The following DNM3 variants were observed in gnomAD, a reference collection of about 807,000 sequenced individuals.
The protein encoded by DNM3 is dynamin 3.
Under a neutral mutation model 101.6 loss-of-function variants are expected in DNM3, and 47 were observed. That is an observed-to-expected ratio of 0.46 (90% CI 0.37 to 0.59). The LOEUF (loss-of-function observed/expected upper bound fraction) is 0.59. Ranked by LOEUF, DNM3 falls within the 20% of genes least tolerant of loss-of-function variation. The pLI is 0.00. For synonymous variants in DNM3, 385 were observed against 387.9 expected, an observed-to-expected ratio of 0.99 and a Z score of 0.09; for missense variants, 849 against 1,085.7, an observed-to-expected ratio of 0.78 and a Z score of 3.06.
intron 11 of DNM3, 123 bp from the exon 12 acceptor site, chr1:172,081,709 A>T (rs2053162956): frequency 1.4e-6 from 1 of 726,410 alleles, no homozygotes; most frequent in Admixed American, 3.0e-5. Flanking sequence ...GTTACTTTTC[A>T]TGCTAATTGA....
chr1:171,933,613 G>T (rs979790928), intron 2 of DNM3, among the ~76,000 whole-genome samples: 1 of 152,156 alleles, frequency 6.6e-6, no homozygotes, highest in African/African-American at 2.4e-5. Context: ...GGGGCTGGAG[G>T]TGGATGAGTG....
chr1:172,015,290 TG>T (rs2047378543), intron 4 of DNM3, among the ~76,000 whole-genome samples: 1 of 152,316 alleles, frequency 6.6e-6, no homozygotes, highest in African/African-American at 2.4e-5. Flanking sequence ...ATCAGTTTGT[TG>T]ATATCCACAA....
chr1:172,227,031 G>A (rs1002586753), intron 14 of DNM3, among the ~76,000 whole-genome samples: 18 of 151,604 alleles, frequency 1.2e-4, no homozygotes, highest in Admixed American at 5.9e-4. Flanking sequence ...GTACCAGTAC[G>A]TAGTTTTTCA....
chr1:171,903,338 A>G (rs1226118722), intron 1 of DNM3, among the ~76,000 whole-genome samples: 2 of 152,140 alleles, frequency 1.3e-5, no homozygotes, highest in Non-Finnish European at 2.9e-5. Flanking sequence ...ACTTTATCAT[A>G]GATCTTTCCT....
At chr1:172,113,263 C>T (rs1015984587) in intron 13 of DNM3, among the ~76,000 whole-genome samples, 2 of 152,104 alleles carry the variant, frequency 1.3e-5, no homozygotes, top group Admixed American at 6.6e-5. Flanking sequence ...TAACTTCCTG[C>T]TATGTGTGAG....
chr1:171,896,633 C>G (rs970055400), intron 1 of DNM3, among the ~76,000 whole-genome samples: 1 of 152,094 alleles, frequency 6.6e-6, no homozygotes, highest in Non-Finnish European at 1.5e-5. Context: ...AATTGAATAC[C>G]CTTTATTTCT....
intron 16 of DNM3, among the ~76,000 whole-genome samples, chr1:172,315,212 A>G (rs905930805): frequency 6.6e-5 from 10 of 152,190 alleles, no homozygotes; most frequent in Non-Finnish European, 1.3e-4. Context: ...AACAAACAGA[A>G]AGGACATCCA....
At chr1:172,388,081 A>G (rs967716870) in intron 19 of DNM3, among the ~76,000 whole-genome samples, 7 of 151,974 alleles carry the variant, frequency 4.6e-5, no homozygotes, top group Admixed American at 1.3e-4. Flanking sequence ...TAAAAATACA[A>G]AAATTAGCTG....
intron 12 of DNM3, among the ~76,000 whole-genome samples, chr1:172,083,751 C>T (rs190415022): frequency 6.6e-6 from 1 of 151,686 alleles, no homozygotes; most frequent in Non-Finnish European, 1.5e-5. Flanking sequence ...AATAAATTTC[C>T]ATATTTGCTG....
intron 2 of DNM3, among the ~76,000 whole-genome samples, chr1:171,960,155 A>G (rs1196943778): frequency 6.6e-6 from 1 of 152,176 alleles, no homozygotes; most frequent in Admixed American, 6.5e-5. Flanking sequence ...AGACACACTG[A>G]GAGAACACAA....
At chr1:172,098,912 G>T (rs774921683) in intron 13 of DNM3, among the ~76,000 whole-genome samples, 1 of 152,196 alleles carries the variant, frequency 6.6e-6, no homozygotes, top group Admixed American at 6.5e-5. Flanking sequence ...TTGTCAGATA[G>T]TTGGACTGTG....
At chr1:172,253,964 C>T (rs973610597) in intron 15 of DNM3, among the ~76,000 whole-genome samples, 8 of 151,424 alleles carry the variant, frequency 5.3e-5, no homozygotes, top group Admixed American at 2.6e-4. Flanking sequence ...CTTTTTGAGA[C>T]GGGATCTCAC....
intron 2 of DNM3, among the ~76,000 whole-genome samples, chr1:171,937,594 C>T (rs1571715904): frequency 6.6e-6 from 1 of 152,072 alleles, no homozygotes; most frequent in Non-Finnish European, 1.5e-5. Context: ...ATTTGAGACA[C>T]GGTCTCACTC....
Position 172,412,290 on chromosome 1 carries a change from CTCTG to C in DNM3, c.*4453_*4456del, listed in dbSNP as rs965422950. 35 of 985,310 alleles carry C rather than the reference CTCTG, an allele frequency of 3.6e-5. No homozygotes were observed. Among genetic ancestry groups the C allele is most frequent in the African/African-American group, 3.5e-4 (20 of 57,356 alleles). 61.0% of individuals were successfully genotyped at this position (985,310 alleles called of 1,614,324 possible). A position where few individuals can be genotyped will look rare whatever the true frequency, so the allele number is the denominator to read the frequency against. ...TGTTTTAAAATTATGACAAAAATTA[CTCTG>C]TCTAACCACTTGCCTTGTCTGCTAC... is the stretch of plus-strand genomic sequence containing the variant. On this transcript the variant is annotated 3_prime_UTR_variant, in exon 21 of 21. Transcript: ENST00000627582.
In DNM3 at chr1:171,911,798, C is replaced by T. The variant is rs567246696; in HGVS notation, c.162-9950C>T. Among the ~76,000 whole-genome samples the T allele has an allele frequency of 2.4e-4, 37 of 152,122 alleles. No homozygotes were observed. In the South Asian group the frequency reaches 7.3e-3, roughly 30 times the overall value. On this transcript the variant is annotated intron_variant, in intron 1 of 20. Transcript: ENST00000627582. Reference sequence around the variant, plus strand: ...TCTAGACCAGAACTGCCCTGGTCAGCGGGTAAGTGTTCTCTTGCTGTTGCT... The same window carrying T: ...TCTAGACCAGAACTGCCCTGGTCAGTGGGTAAGTGTTCTCTTGCTGTTGCT...
chr1:172,111,921 G>A (rs1203370413), intron 13 of DNM3, among the ~76,000 whole-genome samples: 2 of 152,036 alleles, frequency 1.3e-5, no homozygotes, highest in Non-Finnish European at 2.9e-5. Context: ...TTTTGTTGGT[G>A]ATGATGTCCA....
intron 14 of DNM3, among the ~76,000 whole-genome samples, chr1:172,233,337 C>G (rs930387731): frequency 6.6e-6 from 1 of 152,006 alleles, no homozygotes; most frequent in Non-Finnish European, 1.5e-5. Flanking sequence ...AAGACTAAAC[C>G]AGGAAGAAGT....
In DNM3 at chr1:172,325,582, T is replaced by C. The variant is rs185387300; in HGVS notation, c.1893+2242T>C. On this transcript the variant is annotated intron_variant, in intron 17 of 20. Coordinates refer to ENST00000627582, the MANE Select transcript of DNM3 (RefSeq NM_015569.5). ...ACAGCACATCTGCATGTTATTTTCC[T>C]GTAGCTTAGAATTTCAGTATAAATG... Among the ~76,000 whole-genome samples, 63 of 152,060 alleles carry C rather than the reference T, an allele frequency of 4.1e-4. 2 individuals are homozygous for C. In the East Asian group the frequency reaches 6.0e-3, roughly 14 times the overall value.
intron 14 of DNM3, among the ~76,000 whole-genome samples, chr1:172,251,689 A>C (rs1478297644): frequency 6.6e-6 from 1 of 152,120 alleles, no homozygotes; most frequent in African/African-American, 2.4e-5. Context: ...TCTATAGAAA[A>C]CAAGCCAAGG....
Sources: gnomAD v4.1 joint callset for allele counts (sites outside exome capture counted in the v4.1 genomes callset) on GRCh38, gnomAD v4.1.1 for gene constraint, MANE v1.5 for transcripts, NCBI Gene and HGNC (gene_info 2026-07-23, HGNC 2026-07-21) for gene names.